The following SLC36A1 variants were observed in gnomAD, a reference collection of about 807,000 sequenced individuals.
The protein encoded by SLC36A1 is solute carrier family 36 member 1, also known as proton-coupled amino acid transporter 1.
A neutral mutation model predicts 47.5 loss-of-function variants in SLC36A1; 30 were observed. The ratio of observed to expected loss-of-function variants is 0.63; its 90% confidence interval spans 0.47 to 0.86. SLC36A1 has a LOEUF of 0.86. Among genes scored for constraint, SLC36A1 ranks in the 40% least tolerant of loss-of-function variants. The probability of loss-of-function intolerance (pLI) is 0.00; values close to 1 mark genes in which losing one functional copy is unlikely to be tolerated. For synonymous variants in SLC36A1, 255 were observed against 249.7 expected, an observed-to-expected ratio of 1.02 and a Z score of -0.20; for missense variants, 517 against 606.0, an observed-to-expected ratio of 0.85 and a Z score of 1.54.
At chr5:151,485,396 A>G (rs1415658560) in intron 10 of SLC36A1, among the ~76,000 whole-genome samples, 9 of 152,188 alleles carry the variant, frequency 5.9e-5, no homozygotes, top group Non-Finnish European at 1.0e-4. Context: ...TCCCTTGTCC[A>G]ATTCCACTTG....
chr5:151,462,373 T>C (rs900744839), intron 2 of SLC36A1, among the ~76,000 whole-genome samples: 7 of 147,286 alleles, frequency 4.8e-5, no homozygotes, highest in East Asian at 4.7e-4. Context: ...ATTTTTTTTT[T>C]CTTTTTTTTT....
the SLC36A1 span, among the ~76,000 whole-genome samples, chr5:151,539,572 C>A: frequency 6.6e-6 from 1 of 152,074 alleles, no homozygotes; most frequent in African/African-American, 2.4e-5. Flanking sequence ...GTATGTATAA[C>A]TGTGCATTTT....
chr5:151,546,104 C>G, the SLC36A1 span: 5 of 1,614,112 alleles, frequency 3.1e-6, no homozygotes, highest in South Asian at 5.5e-5. Flanking sequence ...GGGGAACCAA[C>G]AGGGATTGAT....
chr5:151,476,536 C>A, intron 8 of SLC36A1, 54 bp from the exon 9 acceptor site: 2 of 1,342,106 alleles, frequency 1.5e-6, no homozygotes, highest in South Asian at 3.8e-5. Flanking sequence ...TTTTCTTGGC[C>A]ATTAACTTTT....
At chr5:151,442,723 C>G (rs77588738), upstream of SLC36A1, among the ~76,000 whole-genome samples, 1 of 151,982 alleles carries the variant, frequency 6.6e-6, no homozygotes, top group African/African-American at 2.4e-5. Context: ...TATGTTGTCC[C>G]TTTGAGCTCT....
the SLC36A1 span, among the ~76,000 whole-genome samples, chr5:151,400,665 C>T: frequency 6.6e-6 from 1 of 151,910 alleles, no homozygotes; most frequent in Non-Finnish European, 1.5e-5. Flanking sequence ...CTTGCCAATA[C>T]CCGTTTTTTG....
the SLC36A1 span, among the ~76,000 whole-genome samples, chr5:151,539,103 T>A: frequency 6.6e-6 from 1 of 152,202 alleles, no homozygotes; most frequent in South Asian, 2.1e-4. Flanking sequence ...AGAAGTTGGT[T>A]GTAATGATGG....
At chr5:151,382,569 C>T in the SLC36A1 span, among the ~76,000 whole-genome samples, 1 of 152,196 alleles carries the variant, frequency 6.6e-6, no homozygotes, top group African/African-American at 2.4e-5. Flanking sequence ...GAAAGATGTG[C>T]TGGAGACTCT....
At chr5:151,536,231 C>T in the SLC36A1 span, among the ~76,000 whole-genome samples, 14 of 150,492 alleles carry the variant, frequency 9.3e-5, no homozygotes, top group Non-Finnish European at 7.4e-5. Flanking sequence ...GAAAAAAAAA[C>T]GCCATTTTTT....
At chr5:151,381,914 C>A in the SLC36A1 span, 1 of 325,464 alleles carries the variant, frequency 3.1e-6, no homozygotes, top group Non-Finnish European at 5.6e-6. Flanking sequence ...CTTTCTCTGT[C>A]GCAATTCCCT....
the SLC36A1 span, chr5:151,510,023 G>C: frequency 5.0e-6 from 8 of 1,613,826 alleles, no homozygotes; most frequent in South Asian, 2.2e-5. Flanking sequence ...GGGATTACCT[G>C]TCTCCTGTGT....
chr5:151,423,675 C>T, the SLC36A1 span, among the ~76,000 whole-genome samples: 1 of 152,108 alleles, frequency 6.6e-6, no homozygotes, highest in East Asian at 1.9e-4. Context: ...ATTTTTAGGG[C>T]AGTGAAAGTA....
At chr5:151,427,516 T>A in the SLC36A1 span, among the ~76,000 whole-genome samples, 1 of 152,222 alleles carries the variant, frequency 6.6e-6, no homozygotes, top group Non-Finnish European at 1.5e-5. Context: ...GCTTAGTTCC[T>A]TATTTTTCAC....
Position 151,491,855 on chromosome 5 carries a change from G to A in SLC36A1, c.*3601G>A, listed in dbSNP as rs553797959. ...AATCTCTGAGGCCATTAGGGGAAAA[G>A]GAAGGGGTGTGGTTTGTCTTTGAAA... On this transcript the variant is annotated 3_prime_UTR_variant, in exon 11 of 11. Coordinates refer to ENST00000243389, the MANE Select transcript of SLC36A1 (RefSeq NM_078483.4). 2 of 152,394 alleles carry A rather than the reference G, an allele frequency of 1.3e-5. No homozygotes were observed. The highest frequency in any genetic ancestry group is 4.8e-5 in the African/African-American group (2 of 41,586). 9.4% of individuals were successfully genotyped at this position (152,394 alleles called of 1,614,324 possible).
At chr5:151,347,645 C>T in the SLC36A1 span, 3 of 642,148 alleles carry the variant, frequency 4.7e-6, no homozygotes, top group Non-Finnish European at 8.1e-6. Context: ...CTGGAGAAGC[C>T]AGTGGACGAG....
the SLC36A1 span, among the ~76,000 whole-genome samples, chr5:151,421,330 C>T: frequency 6.6e-6 from 1 of 151,586 alleles, no homozygotes; most frequent in Admixed American, 6.6e-5. Flanking sequence ...CAACCTCCAC[C>T]TCCTGAGCTC....
the SLC36A1 span, among the ~76,000 whole-genome samples, chr5:151,391,702 G>A: frequency 9.2e-5 from 14 of 152,102 alleles, no homozygotes; most frequent in South Asian, 2.1e-4. Context: ...GCTGGATTAC[G>A]TTTATTGATT....
the SLC36A1 span, among the ~76,000 whole-genome samples, chr5:151,368,870 CA>C: frequency 6.6e-6 from 1 of 152,218 alleles, no homozygotes; most frequent in Non-Finnish European, 1.5e-5. Context: ...AGAGCTGCAA[CA>C]AAGGACTTCC....
the SLC36A1 span, among the ~76,000 whole-genome samples, chr5:151,401,018 T>A: frequency 0.033 from 4,852 of 148,872 alleles, 168 homozygotes; most frequent in African/African-American, 0.091. Flanking sequence ...GCAGAAGCTC[T>A]TTAATTAGGT....
Sources: gnomAD v4.1 joint callset for allele counts (sites outside exome capture counted in the v4.1 genomes callset) on GRCh38, gnomAD v4.1.1 for gene constraint, MANE v1.5 for transcripts, NCBI Gene and HGNC (gene_info 2026-07-23, HGNC 2026-07-21) for gene names.